The following EXOSC9 variants were observed in gnomAD, a reference collection of about 807,000 sequenced individuals.
EXOSC9 encodes exosome component 9, also known as exosome complex component RRP45.
EXOSC9 carries 38 observed loss-of-function variants against 56.5 expected under a neutral mutation model. The ratio of observed to expected loss-of-function variants is 0.67; its 90% CI spans 0.52 to 0.88. EXOSC9 has a LOEUF of 0.88. Among genes scored for constraint, EXOSC9 ranks in the 40% least tolerant of loss-of-function variants. The probability of loss-of-function intolerance (pLI) is 0.00; values close to 1 mark genes in which losing one functional copy is unlikely to be tolerated. For missense variants in EXOSC9, 559 were observed against 530.5 expected, an observed-to-expected ratio of 1.05 and a Z score of -0.53; for synonymous variants, 170 against 170.8, an observed-to-expected ratio of 0.99 and a Z score of 0.04.
Position 121,816,928 on chromosome 4 carries a change from T to A in EXOSC9, c.*72T>A. Reference sequence around the variant, plus strand: ...TATTCCATTCTGAGAACCCTGGGTATTTTTTATTCACAAATCCATTATAAA... The same window carrying A: ...TATTCCATTCTGAGAACCCTGGGTAATTTTTATTCACAAATCCATTATAAA... On this transcript the variant is annotated 3_prime_UTR_variant, in exon 12 of 12. Transcript: ENST00000243498. 1.5e-6 allele frequency: 2 copies of A among 1,321,698 alleles called. No individual in the cohort carries two copies. The highest frequency in any genetic ancestry group is 2.0e-6 in the Non-Finnish European group (2 of 996,752). The allele number at this position is 1,321,698 out of a possible 1,614,324, so 81.9% of individuals were successfully genotyped here. A position where few individuals can be genotyped will look rare whatever the true frequency, so the allele number is the denominator to read the frequency against.
chr4:121,810,145 T>TA, intron 7 of EXOSC9, 46 bp downstream of exon 7: 1 of 1,550,186 alleles, frequency 6.5e-7, no homozygotes, highest in African/African-American at 1.4e-5. Context: ...TTGCTTCTCT[T>TA]TAGATGCTTT....
chr4:121,809,843 T>A (rs1371500093), intron 6 of EXOSC9, 124 bp from the exon 7 acceptor site: 1 of 1,083,148 alleles, frequency 9.2e-7, no homozygotes, highest in African/African-American at 1.6e-5. Context: ...GTGACCCAAA[T>A]CCGTAGGCTC....
At chr4:121,810,802 T>C (rs1727190186) in intron 7 of EXOSC9, among the ~76,000 whole-genome samples, 1 of 152,050 alleles carries the variant, frequency 6.6e-6, no homozygotes, top group South Asian at 2.1e-4. Flanking sequence ...AGGTGGAGGT[T>C]GAGTGAGCTG....
intron 5 of EXOSC9, 36 bp from the exon 6 acceptor site, chr4:121,807,504 G>C: frequency 7.7e-7 from 1 of 1,301,900 alleles, no homozygotes. Flanking sequence ...TCATAACTTA[G>C]TGACTATAAT....
intron 6 of EXOSC9, among the ~76,000 whole-genome samples, chr4:121,808,095 C>T (rs546428246): frequency 3.9e-5 from 6 of 152,124 alleles, no homozygotes; most frequent in Non-Finnish European, 7.3e-5. Flanking sequence ...AGTTTTCCAG[C>T]GTTTTCATTA....
At chr4:121,816,559 C>A in intron 11 of EXOSC9, 112 bp downstream of exon 11, 1 of 833,338 alleles carries the variant, frequency 1.2e-6, no homozygotes, top group South Asian at 2.1e-5. Context: ...AAAGACATCC[C>A]TTTTTCATTA....
chr4:121,811,587 T>C lies in EXOSC9; in HGVS notation c.743T>C (p.Leu248Pro). Residue 248 changes from leucine (L) to proline (P), a missense_variant, in exon 8 of 12, where the codon CTG (leucine) becomes CCG (proline). Physicochemically the swap from Leu to Pro is moderately conservative, Grantham distance 98 (BLOSUM62 -3). Transcript: ENST00000243498. Reference sequence around the variant, plus strand: ...AGAATTCACTTTTATAAATAGGTTCTGAGATGCAGTAAAATCGCTGGTGTG... The same window carrying C: ...AGAATTCACTTTTATAAATAGGTTCCGAGATGCAGTAAAATCGCTGGTGTG... The part of the protein sequence containing the change: ...GGIMLLKDQV[L>P]RCSKIAGVKV... The C allele has an allele frequency of 6.4e-7, 1 of 1,570,680 alleles. No homozygotes were observed. Among genetic ancestry groups the C allele is most frequent in the Non-Finnish European group, 8.7e-7 (1 of 1,153,018 alleles).
At chr4:121,812,637 C>A (rs985173026) in intron 8 of EXOSC9, among the ~76,000 whole-genome samples, 2 of 152,130 alleles carry the variant, frequency 1.3e-5, no homozygotes, top group African/African-American at 4.8e-5. Flanking sequence ...ATTACAGATG[C>A]ATACCACCAT....
rs1726913883 is a variant in EXOSC9, at chr4:121,802,966, A to C, written c.333A>C (p.Arg111Ser). 5 of 1,614,030 alleles carry C rather than the reference A, an allele frequency of 3.1e-6. No individual in the cohort carries two copies. Among genetic ancestry groups the C allele is most frequent in the Non-Finnish European group, 4.2e-6 (5 of 1,180,002 alleles). Residue 111 changes from arginine (R) to serine (S), a missense_variant, in exon 4 of 12, where the codon AGA (arginine) becomes AGC (serine). Coordinates refer to ENST00000243498, the MANE Select transcript of EXOSC9 (RefSeq NM_005033.3). ...ATCGACTCATGGAAAGATGTCTAAG[A>C]AATTCGAAGTGTATAGACACTGAGT... Reference protein sequence around the residue: ...KLNRLMERCLRNSKCIDTESL... With the variant: ...KLNRLMERCLSNSKCIDTESL...
chr4:121,811,530 G>C, intron 7 of EXOSC9, 53 bp from the exon 8 acceptor site: 1 of 1,055,856 alleles, frequency 9.5e-7, no homozygotes, highest in Non-Finnish European at 1.4e-6. Flanking sequence ...TTTCATTAGA[G>C]AAAACTATTT....
intron 7 of EXOSC9, 83 bp from the exon 8 acceptor site, chr4:121,811,500 G>A (rs1727211275): frequency 5.6e-6 from 4 of 719,388 alleles, no homozygotes; most frequent in Non-Finnish European, 8.8e-6. Context: ...TATAAAGGTA[G>A]AAAAATTTCA....
At chr4:121,810,304 C>T (rs1457771669) in intron 7 of EXOSC9, among the ~76,000 whole-genome samples, 1 of 152,052 alleles carries the variant, frequency 6.6e-6, no homozygotes, top group Non-Finnish European at 1.5e-5. Context: ...CTTGGTGCTC[C>T]CGTGTCTGGC....
intron 6 of EXOSC9, 130 bp from the exon 7 acceptor site, chr4:121,809,837 C>G (rs1727155594): frequency 2.0e-6 from 2 of 1,003,608 alleles, no homozygotes; most frequent in African/African-American, 3.2e-5. Context: ...ATTTCAGTGA[C>G]CCAAATCCGT....
At chr4:121,814,242 G>A (rs1015015360) in intron 10 of EXOSC9, 195 bp downstream of exon 10, 4 of 362,182 alleles carry the variant, frequency 1.1e-5, no homozygotes, top group African/African-American at 2.1e-5. Context: ...ATATAGATAT[G>A]TAGTTATATA....
chr4:121,807,908 GC>G, intron 6 of EXOSC9: 1 of 424,994 alleles, frequency 2.4e-6, no homozygotes, highest in East Asian at 4.5e-5. Context: ...GTTTCCTAAG[GC>G]TGTACAGTGG....
Position 121,809,973 on chromosome 4 carries a change from T to G in EXOSC9, c.612T>G (p.Tyr204Ter), listed in dbSNP as rs1207372316. 6.2e-7 allele frequency: 1 copy of G among 1,614,158 alleles called. No homozygotes were observed. ...VSFAFFQQGT[Y>*]LLVDPNEREE... is the part of the protein sequence containing the mutation. ...CATTTAACATTCATTTCAGAACATATTTATTGGTGGATCCCAATGAACGAG... is the reference window on the plus strand; with the variant it reads ...CATTTAACATTCATTTCAGAACATAGTTATTGGTGGATCCCAATGAACGAG... Residue 204 changes from tyrosine to a stop codon, truncating the protein, a stop_gained, in exon 7 of 12, where the codon TAT becomes TAG. Coordinates refer to ENST00000243498, the MANE Select transcript of EXOSC9 (RefSeq NM_005033.3). LOFTEE classifies it high-confidence loss of function.
intron 4 of EXOSC9, among the ~76,000 whole-genome samples, chr4:121,803,720 A>T (rs1310844497): frequency 6.6e-6 from 1 of 151,980 alleles, no homozygotes; most frequent in African/African-American, 2.4e-5. Context: ...TTGTATTTTT[A>T]GTAGAGATGG....
At chr4:121,811,464 C>A in intron 7 of EXOSC9, 119 bp from the exon 8 acceptor site, 2 of 540,778 alleles carry the variant, frequency 3.7e-6, no homozygotes, top group Non-Finnish European at 6.5e-6. Flanking sequence ...ACATTGTATT[C>A]ATGTTTGGAA....
chr4:121,807,745 CCTTT>C (rs1332608035), intron 6 of EXOSC9, 123 bp downstream of exon 6: 8 of 644,806 alleles, frequency 1.2e-5, no homozygotes, highest in East Asian at 5.5e-5. Context: ...CCTTGTATTT[CCTTT>C]CTTTCTTTGT....
Sources: allele counts gnomAD v4.1 joint callset (sites outside exome capture counted in the v4.1 genomes callset), GRCh38; gene constraint gnomAD v4.1.1; transcripts MANE v1.5; gene names NCBI Gene and HGNC (gene_info 2026-07-23, HGNC 2026-07-21).